Variants in PLCL2 observed in about 807,000 individuals in gnomAD.
PLCL2 encodes the protein phospholipase C like 2.
In PLCL2, 4 loss-of-function variants were observed where a neutral mutation model predicts 79.6. The observed-to-expected ratio is 0.05, with a 90% CI of 0.02 to 0.11. PLCL2 has a LOEUF of 0.11. PLCL2 is among the 10% of genes least tolerant of loss of function. The probability of loss-of-function intolerance (pLI) is 1.00; values close to 1 mark genes in which losing one functional copy is unlikely to be tolerated. For missense variants in PLCL2, 895 were observed against 1,291.0 expected (o/e 0.69, Z 4.70); for synonymous variants, 484 against 457.7 (o/e 1.06, Z -0.73).
chr3:17,087,818 T>A (rs960510729), intron 5 of PLCL2, among the ~76,000 whole-genome samples: 1 of 152,170 alleles, frequency 6.6e-6, no homozygotes, highest in Non-Finnish European at 1.5e-5. Context: ...AAAATTAAAG[T>A]TTATTAATTT....
intron 4 of PLCL2, among the ~76,000 whole-genome samples, chr3:17,050,536 A>T (rs2064829012): frequency 6.6e-6 from 1 of 152,232 alleles, no homozygotes; most frequent in African/African-American, 2.4e-5. Flanking sequence ...AAACAGGCAT[A>T]TGAAAAGGTG....
rs188976667 is a variant in PLCL2, at chr3:16,981,438, C to A, written c.328-28236C>A. Among the ~76,000 whole-genome samples, 302 of 152,244 alleles carry A rather than the reference C, an allele frequency of 2.0e-3. 1 individual carries two copies. The highest frequency in any genetic ancestry group is 6.9e-3 in the African/African-American group (287 of 41,542). ...AAAATTGCAAATCCATCTTCATTTT[C>A]ACTGACTAGGAGAAATGTGTAATGT... is the stretch of plus-strand genomic sequence containing the variant. On this transcript the variant is annotated intron_variant, in intron 1 of 5. Transcript: ENST00000615277.
chr3:17,070,200 C>T (rs1038384127), intron 5 of PLCL2, among the ~76,000 whole-genome samples: 21 of 152,308 alleles, frequency 1.4e-4, no homozygotes, highest in Non-Finnish European at 2.9e-4. Context: ...AAGTCCCACC[C>T]TAGTCCTGCT....
At chr3:17,043,960 T>C (rs576988128) in intron 4 of PLCL2, 27 of 152,330 alleles carry the variant, frequency 1.8e-4, no homozygotes, top group African/African-American at 5.8e-4. Flanking sequence ...ACACAATTTT[T>C]ATCTACAACA....
chr3:16,888,369 G>C (rs775497865), intron 1 of PLCL2, among the ~76,000 whole-genome samples: 2 of 152,240 alleles, frequency 1.3e-5, no homozygotes, highest in Admixed American at 1.3e-4. Context: ...TATGTTAACA[G>C]TGTTGATTAA....
At chr3:16,908,502 G>A (rs1696800645) in intron 1 of PLCL2, among the ~76,000 whole-genome samples, 1 of 152,134 alleles carries the variant, frequency 6.6e-6, no homozygotes, top group Non-Finnish European at 1.5e-5. Flanking sequence ...CATTGTCTGT[G>A]GGCAGGAGGA....
At chr3:16,900,921 A>C (rs1454794440) in intron 1 of PLCL2, among the ~76,000 whole-genome samples, 1 of 152,218 alleles carries the variant, frequency 6.6e-6, no homozygotes, top group Non-Finnish European at 1.5e-5. Context: ...TCAAAAATGG[A>C]AACTCAGTAT....
At chr3:16,972,643 T>C (rs1416930897) in intron 1 of PLCL2, among the ~76,000 whole-genome samples, 1 of 152,192 alleles carries the variant, frequency 6.6e-6, no homozygotes, top group African/African-American at 2.4e-5. Context: ...TTCATAGGTC[T>C]CTAAGAAATT....
At chr3:17,006,599 G>A (rs1353281773) in intron 1 of PLCL2, among the ~76,000 whole-genome samples, 1 of 152,222 alleles carries the variant, frequency 6.6e-6, no homozygotes. Flanking sequence ...TATGGAGACA[G>A]TTCTAGGCAA....
At chr3:16,982,968 C>A (rs2064015457) in intron 1 of PLCL2, among the ~76,000 whole-genome samples, 1 of 152,174 alleles carries the variant, frequency 6.6e-6, no homozygotes, top group Non-Finnish European at 1.5e-5. Context: ...AATCTGTTAT[C>A]TACCATTAGT....
intron 1 of PLCL2, among the ~76,000 whole-genome samples, chr3:16,902,245 A>G (rs1389506046): frequency 6.6e-6 from 1 of 152,194 alleles, no homozygotes; most frequent in Non-Finnish European, 1.5e-5. Context: ...GACTGGATGA[A>G]AGAGAGAGTA....
chr3:16,971,798 T>G (rs2063871361), intron 1 of PLCL2, among the ~76,000 whole-genome samples: 1 of 152,182 alleles, frequency 6.6e-6, no homozygotes, highest in African/African-American at 2.4e-5. Context: ...GGTATTTTAT[T>G]CTCTTTGAAG....
intron 1 of PLCL2, among the ~76,000 whole-genome samples, chr3:16,964,290 G>C (rs894452022): frequency 6.6e-5 from 10 of 151,062 alleles, no homozygotes; most frequent in South Asian, 2.1e-4. Flanking sequence ...CTGTCCTTGC[G>C]ATAGTTTCCT....
intron 1 of PLCL2, among the ~76,000 whole-genome samples, chr3:16,925,399 G>A (rs1020489234): frequency 4.0e-5 from 6 of 151,776 alleles, no homozygotes; most frequent in Non-Finnish European, 8.8e-5. Flanking sequence ...TTAATTTTTT[G>A]AGATGCAATT....
chr3:17,003,427 G>T (rs529109682), intron 1 of PLCL2, among the ~76,000 whole-genome samples: 1 of 152,278 alleles, frequency 6.6e-6, no homozygotes, highest in East Asian at 1.9e-4. Context: ...ATACTAGAGG[G>T]TTTACTCAGA....
chr3:17,078,294 T>A (rs1168565388), intron 5 of PLCL2, among the ~76,000 whole-genome samples: 1 of 152,160 alleles, frequency 6.6e-6, no homozygotes, highest in Admixed American at 6.5e-5. Context: ...TTCTCGTGAT[T>A]CTTGGGTTAG....
chr3:16,900,557 C>G (rs1696593739), intron 1 of PLCL2, among the ~76,000 whole-genome samples: 1 of 152,072 alleles, frequency 6.6e-6, no homozygotes, highest in African/African-American at 2.4e-5. Flanking sequence ...TTTTAAAGCT[C>G]CTGAAGCAAG....
chr3:17,074,646 T>C lies in PLCL2; in HGVS notation c.3204+6581T>C, dbSNP rs1408686309. ...TCATCTACATTGAAAATCTGTTGTTTAGTATAGCCACCTTCATCAATGATC... is the reference window on the plus strand; with the variant it reads ...TCATCTACATTGAAAATCTGTTGTTCAGTATAGCCACCTTCATCAATGATC... On this transcript the variant is annotated intron_variant, in intron 5 of 5. Coordinates refer to ENST00000615277, the MANE Select transcript of PLCL2 (RefSeq NM_001144382.2). Among the ~76,000 whole-genome samples, 4 of 152,236 alleles carry C rather than the reference T, an allele frequency of 2.6e-5. No homozygotes were observed. The East Asian group carries it at 7.7e-4, about 29-fold the overall frequency.
chr3:16,951,113 T>C (rs183242461), intron 1 of PLCL2, among the ~76,000 whole-genome samples: 108 of 152,270 alleles, frequency 7.1e-4, no homozygotes, highest in Non-Finnish European at 1.2e-3. Flanking sequence ...ATAAACTGAA[T>C]GGCTTTCTGT....
Sources: allele counts gnomAD v4.1 joint callset (sites outside exome capture counted in the v4.1 genomes callset), GRCh38; gene constraint gnomAD v4.1.1; transcripts MANE v1.5; gene names NCBI Gene and HGNC (gene_info 2026-07-23, HGNC 2026-07-21).